The following FNDC3A variants were observed in gnomAD, a reference collection of about 807,000 sequenced individuals.
FNDC3A encodes the protein fibronectin type III domain containing 3A, also known as fibronectin type-III domain-containing protein 3A.
Under a neutral mutation model 148.9 loss-of-function variants are expected in FNDC3A, and 32 were observed. That is an observed-to-expected ratio of 0.21 (90% CI 0.16 to 0.29). The LOEUF is 0.29. Ranked by LOEUF, FNDC3A falls within the 10% of genes least tolerant of loss-of-function variation. The pLI, the probability that FNDC3A is intolerant of heterozygous loss-of-function variation, is 1.00. For missense variants in FNDC3A, 1,191 were observed against 1,452.8 expected (o/e 0.82, Z 2.93); for synonymous variants, 472 against 473.6 (o/e 1.00, Z 0.04).
chr13:49,204,752 G>A (rs1886571296), intron 25 of FNDC3A, among the ~76,000 whole-genome samples: 1 of 137,500 alleles, frequency 7.3e-6, no homozygotes, highest in East Asian at 2.3e-4. Flanking sequence ...ATTAGCTTGA[G>A]CAGGTTAATC....
At chr13:49,140,821 T>C (rs1203919975) in intron 7 of FNDC3A, among the ~76,000 whole-genome samples, 1 of 152,110 alleles carries the variant, frequency 6.6e-6, no homozygotes, top group Non-Finnish European at 1.5e-5. Context: ...GACAAAAAGA[T>C]AGAGAGCAGT....
At chr13:48,979,603 G>C (rs1011472530) in intron 1 of FNDC3A, among the ~76,000 whole-genome samples, 2 of 152,116 alleles carry the variant, frequency 1.3e-5, no homozygotes, top group Admixed American at 6.5e-5. Context: ...GGCAGAGCTG[G>C]ACAAGACAGT....
At chr13:49,076,727 G>A (rs960337764) in intron 3 of FNDC3A, among the ~76,000 whole-genome samples, 4 of 151,852 alleles carry the variant, frequency 2.6e-5, no homozygotes, top group East Asian at 1.9e-4. Flanking sequence ...AGTGATCCCC[G>A]TCACCTGTGA....
intron 8 of FNDC3A, among the ~76,000 whole-genome samples, chr13:49,159,833 T>C (rs1174322433): frequency 6.6e-6 from 1 of 152,236 alleles, no homozygotes; most frequent in Admixed American, 6.5e-5. Flanking sequence ...TGAAGGGCTG[T>C]TGAATTTTGT....
intron 2 of FNDC3A, among the ~76,000 whole-genome samples, chr13:49,049,748 C>T (rs1048561475): frequency 1.1e-4 from 17 of 151,642 alleles, no homozygotes; most frequent in Admixed American, 9.9e-4. Context: ...GAGATGGAGT[C>T]TTGCTCTGTT....
intron 2 of FNDC3A, among the ~76,000 whole-genome samples, chr13:49,043,516 G>A (rs1184467024): frequency 6.6e-6 from 1 of 152,056 alleles, no homozygotes; most frequent in Non-Finnish European, 1.5e-5. Context: ...CTGATATTCT[G>A]TATCCTTTAA....
chr13:49,130,196 C>T (rs1362537249), intron 4 of FNDC3A, among the ~76,000 whole-genome samples: 1 of 151,388 alleles, frequency 6.6e-6, no homozygotes, highest in Non-Finnish European at 1.5e-5. Context: ...AAAAATTTAT[C>T]CCCACGGTGT....
intron 8 of FNDC3A, among the ~76,000 whole-genome samples, chr13:49,166,539 T>A (rs1049645536): frequency 3.3e-5 from 5 of 152,156 alleles, no homozygotes; most frequent in African/African-American, 1.2e-4. Context: ...ACTCCCTCTC[T>A]TGAGCAATGT....
chr13:49,104,395 G>T (rs183630109), intron 3 of FNDC3A, among the ~76,000 whole-genome samples: 2 of 152,130 alleles, frequency 1.3e-5, no homozygotes, highest in Admixed American at 1.3e-4. Flanking sequence ...ATGGTGGCGG[G>T]CGCCTGTAGT....
chr13:49,207,454 T>G lies in FNDC3A; in HGVS notation c.*59T>G. The G allele has an allele frequency of 9.3e-7, 1 of 1,076,442 alleles. No individual in the cohort carries two copies. Among genetic ancestry groups the G allele is most frequent in the Non-Finnish European group, 1.3e-6 (1 of 746,856 alleles). The allele number at this position is 1,076,442 out of a possible 1,614,324, so 66.7% of individuals were successfully genotyped here. The stretch of plus-strand genomic sequence containing the variant: ...TTATTTTGTCATGTACTAAAATTAT[T>G]TCTGTATTGCTTTTATAAAAAACAG... On this transcript the variant is annotated 3_prime_UTR_variant, in exon 26 of 26. Coordinates refer to ENST00000492622, the MANE Select transcript of FNDC3A (RefSeq NM_001079673.2).
At chr13:49,164,332 T>C (rs895263362) in intron 8 of FNDC3A, among the ~76,000 whole-genome samples, 4 of 152,202 alleles carry the variant, frequency 2.6e-5, no homozygotes, top group African/African-American at 9.7e-5. Flanking sequence ...TGTTTTTTAC[T>C]TTTGACAGTT....
chr13:49,153,275 A>G (rs59580389), intron 8 of FNDC3A, among the ~76,000 whole-genome samples: 3,515 of 151,890 alleles, frequency 0.023, 47 homozygotes, highest in Middle Eastern at 0.051. Context: ...GCCAGTGATG[A>G]TGAGCATTTT....
At chr13:49,129,761 T>G (rs1881918916) in intron 4 of FNDC3A, among the ~76,000 whole-genome samples, 1 of 152,252 alleles carries the variant, frequency 6.6e-6, no homozygotes, top group Non-Finnish European at 1.5e-5. Flanking sequence ...TTTGGTCATC[T>G]AGTCCCCTGT....
At position 49,198,134 on chromosome 13, in the gene FNDC3A, C is replaced by T. The variant is rs1390313517; in HGVS notation, c.2643C>T (p.Ser881=). The change falls in exon 22 of 26, where the codon AGC becomes AGT. Residue 881 remains serine (S), a synonymous_variant. Coordinates refer to ENST00000492622, the MANE Select transcript of FNDC3A (RefSeq NM_001079673.2). ...HYSPSTCLAI[S]WEKPCDHGSE... ...CACCTTCTACATGCCTTGCAATAAGCTGGGAAAAGCCTTGTGATCATGGTT... is the reference window on the plus strand; with the variant it reads ...CACCTTCTACATGCCTTGCAATAAGTTGGGAAAAGCCTTGTGATCATGGTT... 1.2e-6 allele frequency: 2 copies of T among 1,614,134 alleles called. No individual in the cohort carries two copies. Among genetic ancestry groups the T allele is most frequent in the Non-Finnish European group, 1.7e-6 (2 of 1,180,008 alleles).
chr13:48,988,124 C>T (rs774586152), intron 1 of FNDC3A: 3 of 152,098 alleles, frequency 2.0e-5, no homozygotes, highest in Non-Finnish European at 4.4e-5. Flanking sequence ...TGTATGTGCC[C>T]AATACAGGAG....
Position 49,032,652 on chromosome 13 carries a change from C to T in FNDC3A, c.99+26363C>T, listed in dbSNP as rs144960423. On this transcript the variant is annotated intron_variant, in intron 2 of 25. Coordinates refer to ENST00000492622, the MANE Select transcript of FNDC3A (RefSeq NM_001079673.2). ...TCGGGAGGCTGAGGCAGGAGAATGG[C>T]GTGAACCCGGGAGGCGGAGCTTGCA... is the stretch of plus-strand genomic sequence containing the variant. Among the ~76,000 whole-genome samples, 1,448 of 152,070 alleles carry T rather than the reference C, an allele frequency of 9.5e-3. 14 individuals carry two copies. Among genetic ancestry groups the T allele is most frequent in the African/African-American group, 0.023 (936 of 41,482 alleles).
intron 1 of FNDC3A, among the ~76,000 whole-genome samples, chr13:48,982,902 C>T (rs1229434030): frequency 6.6e-6 from 1 of 152,092 alleles, no homozygotes; most frequent in Non-Finnish European, 1.5e-5. Context: ...GTAGCTATCT[C>T]CTAATATAGA....
chr13:49,039,222 A>G (rs1237635144), intron 2 of FNDC3A, among the ~76,000 whole-genome samples: 1 of 152,244 alleles, frequency 6.6e-6, no homozygotes, highest in Non-Finnish European at 1.5e-5. Flanking sequence ...GTAAGGTATA[A>G]TTTATGCATA....
Position 49,093,885 on chromosome 13 carries a change from G to T in FNDC3A, c.175+18521G>T, listed in dbSNP as rs574472453. Among the ~76,000 whole-genome samples the T allele has an allele frequency of 2.6e-5, 4 of 152,258 alleles. No individual in the cohort carries two copies. The South Asian group carries it at 8.3e-4, about 32-fold the overall frequency. The stretch of plus-strand genomic sequence containing the variant: ...ATGATTTATATTGCATGATGCTGGG[G>T]CAAACAGAGTCTCTTTTGGTTTTAA... On this transcript the variant is annotated intron_variant, in intron 3 of 25. Transcript: ENST00000492622.
Sources: allele counts gnomAD v4.1 joint callset (sites outside exome capture counted in the v4.1 genomes callset), GRCh38; gene constraint gnomAD v4.1.1; transcripts MANE v1.5; gene names NCBI Gene and HGNC (gene_info 2026-07-23, HGNC 2026-07-21).